The following MCU variants were observed in gnomAD, a reference collection of about 807,000 sequenced individuals.
MCU encodes calcium uniporter protein, mitochondrial.
MCU carries 12 observed loss-of-function variants against 45.2 expected under a neutral mutation model. The ratio of observed to expected loss-of-function variants is 0.27; its 90% confidence interval spans 0.17 to 0.43. MCU has a LOEUF of 0.43. Ranked by LOEUF, MCU falls within the 20% of genes least tolerant of loss-of-function variation. MCU has a pLI of 1.00. For synonymous variants in MCU, 160 were observed against 165.1 expected (o/e 0.97, Z 0.24); for missense variants, 324 against 436.7 (o/e 0.74, Z 2.30).
In MCU at chr10:72,865,425, A is replaced by G. The variant is rs555224059; in HGVS notation, c.497-3278A>G. ...AAAGACCTTTTTAATGTTTAGATGC[A>G]CACATCATAGCTCTCTTAGTTCTGT... On this transcript the variant is annotated intron_variant, in intron 4 of 7. Transcript: ENST00000373053. Among the ~76,000 whole-genome samples the G allele has an allele frequency of 3.9e-5, 6 of 152,394 alleles. No homozygotes were observed. The South Asian group carries it at 1.0e-3, about 26-fold the overall frequency.
intron 2 of MCU, among the ~76,000 whole-genome samples, chr10:72,850,937 A>G (rs893437360): frequency 6.6e-6 from 1 of 152,250 alleles, no homozygotes; most frequent in African/African-American, 2.4e-5. Context: ...GACAACTGTC[A>G]TTAGCTTATG....
At chr10:72,782,423 T>C (rs1212175889) in intron 1 of MCU, among the ~76,000 whole-genome samples, 8 of 152,344 alleles carry the variant, frequency 5.3e-5, no homozygotes, top group Admixed American at 2.6e-4. Flanking sequence ...TGGGCTGGGG[T>C]GCAGTGGCGC....
At chr10:72,802,972 A>G (rs1190986534) in intron 1 of MCU, among the ~76,000 whole-genome samples, 1 of 152,188 alleles carries the variant, frequency 6.6e-6, no homozygotes, top group African/African-American at 2.4e-5. Context: ...AAAGAATTGT[A>G]TCTTATTTCA....
At position 72,723,408 on chromosome 10, in the gene MCU, C is replaced by CAT. The variant is rs751493873; in HGVS notation, c.150+31109_150+31110dup. 5.9e-5 allele frequency among the ~76,000 whole-genome samples: 9 copies of CAT among 151,864 alleles called. No individual in the cohort carries two copies. The East Asian group carries it at 1.5e-3, about 26-fold the overall frequency. ...ATGATAAAAGTACTAAATCTTTTAT[C>CAT]ATAGAAATTGAGATGTACAGAAAAA... On this transcript the variant is annotated intron_variant, in intron 1 of 7. Transcript: ENST00000373053.
chr10:72,734,225 G>A (rs1032494679), intron 1 of MCU, among the ~76,000 whole-genome samples: 1 of 152,136 alleles, frequency 6.6e-6, no homozygotes, highest in Non-Finnish European at 1.5e-5. Context: ...CTGCCTGGGT[G>A]ATGGAGCAAG....
At chr10:72,837,508 G>A (rs1164621580) in intron 2 of MCU, among the ~76,000 whole-genome samples, 6 of 152,182 alleles carry the variant, frequency 3.9e-5, no homozygotes, top group East Asian at 1.9e-4. Flanking sequence ...TTCCTCATTC[G>A]TGAAATGTAG....
At chr10:72,693,668 G>A (rs1356985639) in intron 1 of MCU, among the ~76,000 whole-genome samples, 1 of 152,154 alleles carries the variant, frequency 6.6e-6, no homozygotes, top group Non-Finnish European at 1.5e-5. Flanking sequence ...TGAGAAGATT[G>A]TACCTCTTTT....
chr10:72,733,558 TA>T (rs1300458351), intron 1 of MCU, among the ~76,000 whole-genome samples: 2 of 151,794 alleles, frequency 1.3e-5, no homozygotes, highest in African/African-American at 4.8e-5. Flanking sequence ...CCCCCATGTC[TA>T]AAAAAAGGGA....
intron 2 of MCU, among the ~76,000 whole-genome samples, chr10:72,858,880 A>G (rs1473898871): frequency 6.6e-6 from 1 of 152,112 alleles, no homozygotes; most frequent in Non-Finnish European, 1.5e-5. Context: ...GCTTGTATTC[A>G]CCAATATCAA....
intron 1 of MCU, among the ~76,000 whole-genome samples, chr10:72,790,155 G>A (rs1166265517): frequency 6.6e-6 from 1 of 152,166 alleles, no homozygotes; most frequent in Non-Finnish European, 1.5e-5. Context: ...TGAACTCTGT[G>A]TATCTTTCTT....
At chr10:72,770,842 A>G (rs1006214568) in intron 1 of MCU, among the ~76,000 whole-genome samples, 1 of 152,174 alleles carries the variant, frequency 6.6e-6, no homozygotes, top group African/African-American at 2.4e-5. Flanking sequence ...AATAGTTAAT[A>G]TAGAAATATG....
chr10:72,752,878 T>C (rs1843522881), intron 1 of MCU, among the ~76,000 whole-genome samples: 1 of 152,234 alleles, frequency 6.6e-6, no homozygotes, highest in Non-Finnish European at 1.5e-5. Context: ...AATATTCATT[T>C]TGAAGTTGAA....
At chr10:72,862,621 G>A (rs1845395983) in intron 4 of MCU, among the ~76,000 whole-genome samples, 1 of 152,310 alleles carries the variant, frequency 6.6e-6, no homozygotes, top group South Asian at 2.1e-4. Flanking sequence ...CTGACAGGAG[G>A]TGGAGCTCAG....
chr10:72,695,735 A>T (rs1482686124), intron 1 of MCU, among the ~76,000 whole-genome samples: 6 of 150,818 alleles, frequency 4.0e-5, no homozygotes, highest in Admixed American at 3.3e-4. Flanking sequence ...TTTTGATACA[A>T]GGTCTTGCTT....
intron 1 of MCU, among the ~76,000 whole-genome samples, chr10:72,811,237 G>A (rs1844539046): frequency 6.6e-6 from 1 of 152,210 alleles, no homozygotes; most frequent in African/African-American, 2.4e-5. Flanking sequence ...TTTCAGTTCG[G>A]TTGTGGTGGC....
intron 6 of MCU, among the ~76,000 whole-genome samples, chr10:72,875,270 T>G (rs1845600604): frequency 6.6e-6 from 1 of 152,160 alleles, no homozygotes; most frequent in South Asian, 2.1e-4. Flanking sequence ...GAAATAAAAA[T>G]ATATTGGGGA....
chr10:72,835,957 C>T (rs1233508592), intron 2 of MCU, among the ~76,000 whole-genome samples: 1 of 152,090 alleles, frequency 6.6e-6, no homozygotes, highest in Non-Finnish European at 1.5e-5. Flanking sequence ...TCCTTTCCCT[C>T]CTTAAGCTCC....
chr10:72,788,612 TTGAGACCCTGTCTCA>T (rs982765338), intron 1 of MCU, among the ~76,000 whole-genome samples: 25 of 152,212 alleles, frequency 1.6e-4, no homozygotes, highest in South Asian at 4.1e-4. Flanking sequence ...GGGCCACAGA[TTGAGACCCTGTCTCA>T]TGAGACCCTG....
At chr10:72,840,214 G>C (rs563300952) in intron 2 of MCU, among the ~76,000 whole-genome samples, 9 of 152,252 alleles carry the variant, frequency 5.9e-5, no homozygotes, top group East Asian at 5.8e-4. Flanking sequence ...AATCAATCTT[G>C]ATTATAGACA....
Sources: gnomAD v4.1 joint callset for allele counts (sites outside exome capture counted in the v4.1 genomes callset) on GRCh38, gnomAD v4.1.1 for gene constraint, MANE v1.5 for transcripts, NCBI Gene and HGNC (gene_info 2026-07-23, HGNC 2026-07-21) for gene names.